The following DLGAP2 variants were observed in gnomAD, a reference collection of about 807,000 sequenced individuals.
DLGAP2 encodes DLG associated protein 2.
In DLGAP2, 26 loss-of-function variants were observed where a neutral mutation model predicts 100.3. The ratio of observed to expected loss-of-function variants is 0.26; its 90% CI spans 0.19 to 0.36. The LOEUF (loss-of-function observed/expected upper bound fraction) is 0.36, where lower values mean the gene tolerates loss of function less well. Ranked by LOEUF, DLGAP2 falls within the 10% of genes least tolerant of loss-of-function variation. The pLI is 1.00. For missense variants in DLGAP2, 1,858 were observed against 1,453.2 expected (o/e 1.28, Z -4.53); for synonymous variants, 886 against 630.1 (o/e 1.41, Z -6.08).
intron 3 of DLGAP2, among the ~76,000 whole-genome samples, chr8:1,347,695 T>C (rs1801598116): frequency 6.6e-6 from 1 of 150,854 alleles, no homozygotes; most frequent in Admixed American, 6.6e-5. Context: ...GTCTGGAGGC[T>C]GAGTTCCTAT....
At chr8:896,345 G>A (rs906920329) in intron 1 of DLGAP2, among the ~76,000 whole-genome samples, 1 of 151,950 alleles carries the variant, frequency 6.6e-6, no homozygotes, top group Non-Finnish European at 1.5e-5. Context: ...ACCTGGCCGG[G>A]GAGTGGAATG....
chr8:1,549,810 A>G, intron 5 of DLGAP2, 127 bp downstream of exon 5: 1 of 1,078,730 alleles, frequency 9.3e-7, no homozygotes, highest in Non-Finnish European at 1.3e-6. Flanking sequence ...GTTCTGAGCT[A>G]CGGATATGTT....
rs1563133699 is a variant in DLGAP2, at chr8:1,417,159, A to AGGCGGGGG, written c.107-84207_107-84206insGGCGGGGG. Among the ~76,000 whole-genome samples the AGGCGGGGG allele has an allele frequency of 1.4e-4, 11 of 77,276 alleles. 2 individuals carry two copies. The highest frequency in any genetic ancestry group is 9.9e-4 in the East Asian group (2 of 2,026). The allele number at this position is 77,276 out of a possible 152,430, so 50.7% of individuals were successfully genotyped here. ...TCTGAGGCGGGGGAGACTCTGAGTG[A>AGGCGGGGG]AGGGGAAGCCCCCGTTCATTTAGTG... On this transcript the variant is annotated intron_variant, in intron 3 of 14. Coordinates refer to ENST00000637795, the MANE Select transcript of DLGAP2 (RefSeq NM_001346810.2).
intron 2 of DLGAP2, among the ~76,000 whole-genome samples, chr8:1,026,862 T>C (rs1267792954): frequency 1.3e-5 from 2 of 152,236 alleles, no homozygotes; most frequent in Non-Finnish European, 1.5e-5. Context: ...CCCCAACACA[T>C]TTATTCTAAT....
At chr8:1,174,761 C>G (rs1298091992) in intron 2 of DLGAP2, among the ~76,000 whole-genome samples, 1 of 152,050 alleles carries the variant, frequency 6.6e-6, no homozygotes, top group African/African-American at 2.4e-5. Context: ...ATTACTATCA[C>G]TATCATCATT....
chr8:1,669,872 G>T, intron 10 of DLGAP2, 88 bp downstream of exon 10: 2 of 768,956 alleles, frequency 2.6e-6, no homozygotes, highest in South Asian at 1.4e-5. Flanking sequence ...CGCTCTTGTC[G>T]CCTCTGTCCT....
intron 2 of DLGAP2, among the ~76,000 whole-genome samples, chr8:1,021,454 G>GC (rs1801620546): frequency 2.0e-5 from 3 of 152,148 alleles, no homozygotes; most frequent in Admixed American, 1.3e-4. Context: ...ATTGGCAGGG[G>GC]CAGATTAGCC....
intron 2 of DLGAP2, among the ~76,000 whole-genome samples, chr8:1,008,682 C>G (rs1458375492): frequency 6.6e-6 from 1 of 152,230 alleles, no homozygotes; most frequent in East Asian, 1.9e-4. Flanking sequence ...CTGTCCGCCT[C>G]TGCAGGAGGA....
At chr8:1,269,825 C>T (rs977991318) in intron 3 of DLGAP2, among the ~76,000 whole-genome samples, 1 of 152,068 alleles carries the variant, frequency 6.6e-6, no homozygotes, top group African/African-American at 2.4e-5. Context: ...AGAGAATCAC[C>T]GTGGTGTAAT....
At chr8:1,522,657 G>T (rs977072688) in intron 4 of DLGAP2, among the ~76,000 whole-genome samples, 2 of 152,212 alleles carry the variant, frequency 1.3e-5, no homozygotes, top group African/African-American at 4.8e-5. Context: ...GCAGAACCTG[G>T]GAGCTGAGTG....
intron 2 of DLGAP2, among the ~76,000 whole-genome samples, chr8:1,219,984 T>A (rs933426860): frequency 5.3e-5 from 8 of 152,098 alleles, no homozygotes; most frequent in African/African-American, 1.9e-4. Flanking sequence ...CTGATTGTGT[T>A]TATTTGGATC....
chr8:1,082,187 C>G (rs1301020238), intron 2 of DLGAP2, among the ~76,000 whole-genome samples: 1 of 152,164 alleles, frequency 6.6e-6, no homozygotes, highest in Non-Finnish European at 1.5e-5. Context: ...GGATCCATCT[C>G]TTGTCGATCT....
chr8:1,109,117 G>A (rs1213800485), intron 2 of DLGAP2, among the ~76,000 whole-genome samples: 3 of 131,410 alleles, frequency 2.3e-5, no homozygotes, highest in Non-Finnish European at 3.3e-5. Context: ...TCTGTGAGGT[G>A]TGCACGTGCC....
At chr8:1,458,738 C>T (rs1417282192) in intron 3 of DLGAP2, among the ~76,000 whole-genome samples, 1 of 152,228 alleles carries the variant, frequency 6.6e-6, no homozygotes, top group Non-Finnish European at 1.5e-5. Context: ...CTTCAGGACC[C>T]ACCTAGGATG....
At chr8:957,165 G>A (rs1160601720) in intron 2 of DLGAP2, among the ~76,000 whole-genome samples, 1 of 152,238 alleles carries the variant, frequency 6.6e-6, no homozygotes, top group Non-Finnish European at 1.5e-5. Flanking sequence ...TGGCTTCGGA[G>A]AGAGTCCTGG....
intron 3 of DLGAP2, among the ~76,000 whole-genome samples, chr8:1,492,840 G>A (rs1799430707): frequency 6.6e-6 from 1 of 152,210 alleles, no homozygotes; most frequent in Admixed American, 6.5e-5. Context: ...AGAGCTGCGG[G>A]ACAGTAGGCC....
At chr8:906,755 G>C (rs761984107) in intron 1 of DLGAP2, among the ~76,000 whole-genome samples, 4 of 152,192 alleles carry the variant, frequency 2.6e-5, no homozygotes, top group Admixed American at 2.6e-4. Context: ...AGCCACACAG[G>C]CAGCTCTGTG....
At chr8:1,256,003 TGGGTGCTGTGTGTGTGTCCTCTCCTGCCC>T (rs1799200090) in intron 2 of DLGAP2, among the ~76,000 whole-genome samples, 3 of 99,302 alleles carry the variant, frequency 3.0e-5, no homozygotes, top group African/African-American at 8.5e-5. Flanking sequence ...CTCTCCTGCC[TGGGTGCTGTGTGTGTGTCCTCTCCTGCCC>T]GGGTGCTGTG....
intron 4 of DLGAP2, among the ~76,000 whole-genome samples, chr8:1,529,139 T>C (rs898819593): frequency 1.3e-5 from 2 of 152,140 alleles, no homozygotes; most frequent in African/African-American, 4.8e-5. Context: ...TGGTGAGGCC[T>C]CAGGAAACTT....
Sources: gnomAD v4.1 joint callset for allele counts (sites outside exome capture counted in the v4.1 genomes callset) on GRCh38, gnomAD v4.1.1 for gene constraint, MANE v1.5 for transcripts, NCBI Gene and HGNC (gene_info 2026-07-23, HGNC 2026-07-21) for gene names.